Variants in PCCA observed in about 807,000 individuals in gnomAD.
The protein encoded by PCCA is propionyl-CoA carboxylase alpha chain, mitochondrial.
In PCCA, 74 loss-of-function variants were observed where a neutral mutation model predicts 101.3. The observed-to-expected ratio is 0.73, with a 90% CI of 0.61 to 0.89. The LOEUF (loss-of-function observed/expected upper bound fraction) is 0.89. PCCA is among the 40% of genes least tolerant of loss of function. PCCA has a pLI of 0.00. For missense variants in PCCA, 891 were observed against 907.0 expected (o/e 0.98, Z 0.23); for synonymous variants, 294 against 313.6 (o/e 0.94, Z 0.66).
chr13:100,496,415 T>C (rs773398775), intron 21 of PCCA, among the ~76,000 whole-genome samples: 1 of 152,218 alleles, frequency 6.6e-6, no homozygotes, highest in Non-Finnish European at 1.5e-5. Flanking sequence ...ACAGGCCATT[T>C]ATTTTGTCAA....
chr13:100,252,895 A>G (rs1045347131), intron 8 of PCCA, among the ~76,000 whole-genome samples: 1 of 152,130 alleles, frequency 6.6e-6, no homozygotes, highest in Non-Finnish European at 1.5e-5. Flanking sequence ...ACAGCAGCCA[A>G]AGTGATCTTT....
rs192902872 is a variant in PCCA, at chr13:100,314,495, C to A, written c.1429+4587C>A. Among the ~76,000 whole-genome samples, 20 of 152,244 alleles carry A rather than the reference C, an allele frequency of 1.3e-4. 1 individual carries two copies. Among genetic ancestry groups the A allele is most frequent in the Admixed American group, 1.3e-3 (20 of 15,298 alleles). On this transcript the variant is annotated intron_variant, in intron 16 of 23. Coordinates refer to ENST00000376285, the MANE Select transcript of PCCA (RefSeq NM_000282.4). ...TGGGGGTGGGGCTGAAAGTTCCAACCCCTTAATCACATGGTTGGATCCTCT... is the reference window on the plus strand; with the variant it reads ...TGGGGGTGGGGCTGAAAGTTCCAACACCTTAATCACATGGTTGGATCCTCT...
At position 100,189,070 on chromosome 13, in the gene PCCA, A is replaced by G. The variant is rs190246196; in HGVS notation, c.469-20262A>G. On this transcript the variant is annotated intron_variant, in intron 6 of 23. Coordinates refer to ENST00000376285, the MANE Select transcript of PCCA (RefSeq NM_000282.4). The stretch of plus-strand genomic sequence containing the variant: ...ACCCCCTGACAGGCCCCGGTGTGTG[A>G]TGTTCCCCTCCCTGTGTCCATGTCT... Among the ~76,000 whole-genome samples, 124 of 151,920 alleles carry G rather than the reference A, an allele frequency of 8.2e-4. No homozygotes were observed. The East Asian group carries it at 0.01, about 13-fold the overall frequency.
intron 21 of PCCA, chr13:100,491,795 C>A: frequency 8.8e-7 from 1 of 1,132,272 alleles, no homozygotes. Flanking sequence ...TTTAAATCTC[C>A]AATAAATGTA....
At position 100,440,787 on chromosome 13, in the gene PCCA, A is replaced by G. The variant is rs557768042; in HGVS notation, c.1846-8465A>G. Among the ~76,000 whole-genome samples the G allele has an allele frequency of 2.6e-4, 39 of 152,286 alleles. No individual in the cohort carries two copies. The South Asian group carries it at 5.8e-3, about 23-fold the overall frequency. ...CAGGATATATAGGATATATAAATAT[A>G]TAACTTAGAATAAGTAGAGGTTGGT... On this transcript the variant is annotated intron_variant, in intron 20 of 23. Transcript: ENST00000376285.
intron 6 of PCCA, among the ~76,000 whole-genome samples, chr13:100,172,048 A>AT (rs1162834332): frequency 1.3e-5 from 2 of 150,868 alleles, no homozygotes; most frequent in African/African-American, 4.9e-5. Flanking sequence ...AAAAAAAAAA[A>AT]ATATTAGCTG....
chr13:100,398,705 T>C (rs2152850866), intron 19 of PCCA, among the ~76,000 whole-genome samples: 1 of 152,286 alleles, frequency 6.6e-6, no homozygotes, highest in African/African-American at 2.4e-5. Context: ...AGTAGCAATT[T>C]AAGTAATGAC....
At chr13:100,386,951 T>C (rs1286313346) in intron 19 of PCCA, among the ~76,000 whole-genome samples, 5 of 152,168 alleles carry the variant, frequency 3.3e-5, no homozygotes, top group Non-Finnish European at 7.3e-5. Context: ...ATTTCAAAAT[T>C]GTGCAGTGGA....
In PCCA at chr13:100,421,204, TA is replaced by T. The variant is rs935153198; in HGVS notation, c.1747-4415del. On this transcript the variant is annotated intron_variant, in intron 19 of 23. Transcript: ENST00000376285. ...GCAGCCTGGTCCACAGAGTGAGGCT[TA>T]AAAAAAAAAAAAATTAATGTACTGT... 1.6e-3 allele frequency among the ~76,000 whole-genome samples: 231 copies of T among 142,650 alleles called. 1 individual carries two copies. Among genetic ancestry groups the T allele is most frequent in the Admixed American group, 4.9e-3 (70 of 14,276 alleles). 93.6% of individuals were successfully genotyped at this position (142,650 alleles called of 152,430 possible). A position where few individuals can be genotyped will look rare whatever the true frequency, so the allele number is the denominator to read the frequency against.
At chr13:100,254,901 A>T (rs2061978668) in intron 8 of PCCA, among the ~76,000 whole-genome samples, 1 of 151,688 alleles carries the variant, frequency 6.6e-6, no homozygotes, top group Non-Finnish European at 1.5e-5. Context: ...GGGCAATATA[A>T]TGAGACCCCC....
At chr13:100,501,910 C>G (rs182623205) in intron 21 of PCCA, among the ~76,000 whole-genome samples, 1,233 of 121,782 alleles carry the variant, frequency 0.01, 8 homozygotes, top group South Asian at 0.014. Context: ...TAAAATGCAC[C>G]CAAACCTGAA....
At chr13:100,287,624 C>G (rs1229820531) in intron 12 of PCCA, among the ~76,000 whole-genome samples, 1 of 151,992 alleles carries the variant, frequency 6.6e-6, no homozygotes, top group African/African-American at 2.4e-5. Flanking sequence ...TACTTCCTAA[C>G]TCTTCATGTT....
At chr13:100,461,712 T>C (rs534875788) in intron 21 of PCCA, among the ~76,000 whole-genome samples, 1 of 152,318 alleles carries the variant, frequency 6.6e-6, no homozygotes, top group South Asian at 2.1e-4. Context: ...TTTCCACCTG[T>C]CCCTGCCTGC....
At chr13:100,269,775 A>AT (rs1350742390) in intron 11 of PCCA, among the ~76,000 whole-genome samples, 1 of 152,212 alleles carries the variant, frequency 6.6e-6, no homozygotes, top group Non-Finnish European at 1.5e-5. Context: ...ATGTGAGTAT[A>AT]TTTTTAATCC....
intron 2 of PCCA, 142 bp downstream of exon 2, chr13:100,103,102 A>G (rs1261042678): frequency 2.6e-5 from 17 of 653,644 alleles, no homozygotes; most frequent in South Asian, 2.4e-4. Flanking sequence ...GTGTGTTTCT[A>G]TAGGTGCTCA....
intron 16 of PCCA, among the ~76,000 whole-genome samples, chr13:100,316,606 G>T (rs1425646506): frequency 6.6e-6 from 1 of 152,020 alleles, no homozygotes; most frequent in Non-Finnish European, 1.5e-5. Flanking sequence ...TGTTCAAATT[G>T]TCATTAACTA....
intron 21 of PCCA, among the ~76,000 whole-genome samples, chr13:100,492,082 C>A (rs985240366): frequency 6.6e-6 from 1 of 151,704 alleles, no homozygotes; most frequent in East Asian, 1.9e-4. Context: ...TAGAAGAAGC[C>A]GCAGTCCCTG....
Position 100,221,273 on chromosome 13 carries a change from G to A in PCCA, c.600+11810G>A, listed in dbSNP as rs530033178. Among the ~76,000 whole-genome samples the A allele has an allele frequency of 1.4e-4, 21 of 152,310 alleles. No individual in the cohort carries two copies. The South Asian group carries it at 3.5e-3, about 26-fold the overall frequency. ...TCCTACAGTTGTTGAAAAGGAAATT[G>A]GACCTCTACCCAGTGTGACTCATCT... On this transcript the variant is annotated intron_variant, in intron 7 of 23. Coordinates refer to ENST00000376285, the MANE Select transcript of PCCA (RefSeq NM_000282.4).
rs2152387181 is a variant in PCCA, at chr13:100,157,350, T to G, written c.468+10T>G. 1 of 1,586,856 alleles carries G rather than the reference T, an allele frequency of 6.3e-7. No homozygotes were observed. The highest frequency in any genetic ancestry group is 8.7e-7 in the Non-Finnish European group (1 of 1,155,508). ...ATTTGCCAGATGTTTGGTAAGTTGG[T>G]AATGAACCAGAAACTGTTCATTTCT... On this transcript the variant is annotated intron_variant, in intron 6 of 23. Coordinates refer to ENST00000376285, the MANE Select transcript of PCCA (RefSeq NM_000282.4).
Sources: gnomAD v4.1 joint callset for allele counts (sites outside exome capture counted in the v4.1 genomes callset) on GRCh38, gnomAD v4.1.1 for gene constraint, MANE v1.5 for transcripts, NCBI Gene and HGNC (gene_info 2026-07-23, HGNC 2026-07-21) for gene names.